Variants in CKAP5 observed in about 807,000 individuals in gnomAD.
CKAP5 encodes cytoskeleton-associated protein 5.
A neutral mutation model predicts 232.8 loss-of-function variants in CKAP5; 27 were observed. The observed-to-expected ratio is 0.12, with a 90% CI of 0.09 to 0.16. CKAP5 has a LOEUF of 0.16. CKAP5 is among the 10% of genes least tolerant of loss of function. CKAP5 has a pLI of 1.00. For missense variants in CKAP5, 1,838 were observed against 2,424.7 expected (o/e 0.76, Z 5.08); for synonymous variants, 785 against 841.1 (o/e 0.93, Z 1.16).
In CKAP5 at chr11:46,809,385, TTAAC is replaced by T. The variant is rs1284265773; in HGVS notation, c.864+11_864+14del. On this transcript the variant is annotated intron_variant, in intron 7 of 43. Coordinates refer to ENST00000529230, the MANE Select transcript of CKAP5 (RefSeq NM_001008938.4). ...TTTACAAGAAATAAATGAAAGAAGT[TTAAC>T]TATTACTTACAATTTTGTCATAAAA... 1.4e-6 allele frequency: 2 copies of T among 1,460,806 alleles called. No individual in the cohort carries two copies. Among genetic ancestry groups the T allele is most frequent in the East Asian group, 2.3e-5 (1 of 44,116 alleles). The allele number at this position is 1,460,806 out of a possible 1,614,324, so 90.5% of individuals were successfully genotyped here.
Position 46,750,551 on chromosome 11 carries a change from C to T in CKAP5, c.5521G>A (p.Gly1841Ser). 6.2e-7 allele frequency: 1 copy of T among 1,613,886 alleles called. No homozygotes were observed. Among genetic ancestry groups the T allele is most frequent in the Non-Finnish European group, 8.5e-7 (1 of 1,179,966 alleles). Residue 1841 changes from glycine (G) to serine (S), a missense_variant, in exon 41 of 44, where the codon GGC (glycine) becomes AGC (serine). Coordinates refer to ENST00000529230, the MANE Select transcript of CKAP5 (RefSeq NM_001008938.4). ...ACCTCTTTAGTGTTTTCTTTAGAGC[C>T]AATCTTCTTAAAAATCTCAGCTAAG... Reference protein sequence around the residue: ...DFLAEIFKKIGSKENTKEGLA... With the variant: ...DFLAEIFKKISSKENTKEGLA...
At chr11:46,763,933 T>C (rs2065178645) in intron 28 of CKAP5, among the ~76,000 whole-genome samples, 1 of 152,146 alleles carries the variant, frequency 6.6e-6, no homozygotes, top group South Asian at 2.1e-4. Context: ...CCTCCCAGGC[T>C]CAAGTGATTC....
intron 26 of CKAP5, among the ~76,000 whole-genome samples, chr11:46,769,253 A>C (rs762843132): frequency 6.6e-6 from 1 of 152,214 alleles, no homozygotes; most frequent in Non-Finnish European, 1.5e-5. Flanking sequence ...TAAAGAAATC[A>C]AGAATTATCC....
chr11:46,771,016 CAAATGAA>C, intron 24 of CKAP5, 34 bp from the exon 25 acceptor site: 5 of 1,556,648 alleles, frequency 3.2e-6, no homozygotes, highest in Non-Finnish European at 4.4e-6. Flanking sequence ...TTACACACTT[CAAATGAA>C]GACTGTTATC....
At chr11:46,824,584 C>G (rs1353887923) in intron 1 of CKAP5, among the ~76,000 whole-genome samples, 1 of 152,186 alleles carries the variant, frequency 6.6e-6, no homozygotes, top group Non-Finnish European at 1.5e-5. Flanking sequence ...CCACCCCCAC[C>G]AACTGAATAC....
In CKAP5 at chr11:46,752,692, G is replaced by A. The variant is rs139448951; in HGVS notation, c.5076C>T (p.Leu1692=). Residue 1692 remains leucine (L), a synonymous_variant, in exon 38 of 44, where the codon CTC becomes CTT. Coordinates refer to ENST00000529230, the MANE Select transcript of CKAP5 (RefSeq NM_001008938.4). The part of the protein sequence containing the change: ...TNILSALLVL[L]QDSLLATASS... ...TGGCTGTTGCTAGCAGGCTGTCTTG[G>A]AGCAAAACAAGTAGGGCACTGGAAG... is the stretch of plus-strand genomic sequence containing the variant. The A allele has an allele frequency of 2.5e-6, 4 of 1,612,434 alleles. No homozygotes were observed. The highest frequency in any genetic ancestry group is 3.4e-6 in the Non-Finnish European group (4 of 1,179,030).
At chr11:46,793,098 T>C (rs1353071237) in intron 13 of CKAP5, among the ~76,000 whole-genome samples, 1 of 152,114 alleles carries the variant, frequency 6.6e-6, no homozygotes, top group Non-Finnish European at 1.5e-5. Flanking sequence ...GCTTACAATA[T>C]GGTGTGGGGA....
At chr11:46,796,682 A>T (rs1263344953) in intron 12 of CKAP5, 130 bp downstream of exon 12, 1 of 984,988 alleles carries the variant, frequency 1.0e-6, no homozygotes, top group African/African-American at 1.7e-5. Flanking sequence ...CCTACTATAA[A>T]TGGCAATTTA....
intron 3 of CKAP5, among the ~76,000 whole-genome samples, chr11:46,818,089 C>T (rs1423215027): frequency 6.6e-6 from 1 of 152,000 alleles, no homozygotes; most frequent in Non-Finnish European, 1.5e-5. Flanking sequence ...TAAGGTAAAC[C>T]CTCAAAATAT....
intron 13 of CKAP5, among the ~76,000 whole-genome samples, chr11:46,792,603 A>C (rs574534298): frequency 6.6e-6 from 1 of 152,166 alleles, no homozygotes; most frequent in Non-Finnish European, 1.5e-5. Flanking sequence ...CAAACAAAAA[A>C]GACAGAATTA....
At chr11:46,761,076 C>A (rs2065151247) in intron 32 of CKAP5, among the ~76,000 whole-genome samples, 1 of 151,844 alleles carries the variant, frequency 6.6e-6, no homozygotes, top group South Asian at 2.1e-4. Context: ...TGGTGAAACC[C>A]CATCTATACA....
chr11:46,763,652 A>G, intron 28 of CKAP5, 22 bp from the exon 29 acceptor site: 1 of 1,517,224 alleles, frequency 6.6e-7, no homozygotes, highest in Non-Finnish European at 8.8e-7. Flanking sequence ...AAACGGTGAA[A>G]AGGGGCTACA....
intron 38 of CKAP5, among the ~76,000 whole-genome samples, chr11:46,751,894 A>C (rs2065067069): frequency 6.6e-6 from 1 of 151,996 alleles, no homozygotes; most frequent in Non-Finnish European, 1.5e-5. Context: ...AAAATATCTG[A>C]TACTAATTCA....
intron 16 of CKAP5, among the ~76,000 whole-genome samples, chr11:46,788,403 C>T (rs1463721551): frequency 6.6e-6 from 1 of 152,150 alleles, no homozygotes; most frequent in African/African-American, 2.4e-5. Context: ...AGAGAAACCG[C>T]GTCTCTACTA....
Position 46,776,351 on chromosome 11 carries a change from C to T in CKAP5, c.2895G>A (p.Val965=). 1 of 1,613,402 alleles carries T rather than the reference C, an allele frequency of 6.2e-7. No homozygotes were observed. The highest frequency in any genetic ancestry group is 8.5e-7 in the Non-Finnish European group (1 of 1,179,538). The change falls in exon 24 of 44, where the codon GTG becomes GTA. Residue 965 remains valine (V), a synonymous_variant. Coordinates refer to ENST00000529230, the MANE Select transcript of CKAP5 (RefSeq NM_001008938.4). ...TGCCAGTCTGTTCTGCCCAAGCATT[C>T]ACAGTCGCTAGGGCAGCAGCTCGAA... ...NNVRAAALAT[V]NAWAEQTGMK... is the part of the protein sequence containing the mutation.
intron 31 of CKAP5, 51 bp downstream of exon 31, chr11:46,762,576 A>G: frequency 1.2e-6 from 2 of 1,602,536 alleles, no homozygotes; most frequent in Non-Finnish European, 1.7e-6. Context: ...TATTTCTTCT[A>G]TAGGCTACTG....
chr11:46,766,798 A>AT (rs1317044020), intron 27 of CKAP5, among the ~76,000 whole-genome samples: 1 of 152,204 alleles, frequency 6.6e-6, no homozygotes, highest in Non-Finnish European at 1.5e-5. Flanking sequence ...AAAGTTGAAC[A>AT]TTTGAACACA....
Position 46,798,089 on chromosome 11 carries a change from G to A in CKAP5, c.1167C>T (p.Phe389=). Residue 389 remains phenylalanine (F), a synonymous_variant, in exon 10 of 44, where the codon TTC becomes TTT. Coordinates refer to ENST00000529230, the MANE Select transcript of CKAP5 (RefSeq NM_001008938.4). ...ACTCATGCTGTCAACTTACAGTAAG[G>A]AAGATTGCATCAATTGCCTCCTGCA... The part of the protein sequence containing the change: ...QALQEAIDAI[F]LTTTLQNISE... 2 of 1,613,566 alleles carry A rather than the reference G, an allele frequency of 1.2e-6. No homozygotes were observed. The highest frequency in any genetic ancestry group is 1.7e-6 in the Non-Finnish European group (2 of 1,179,658).
At chr11:46,755,172 T>C (rs2065101218) in intron 35 of CKAP5, 105 bp from the exon 36 acceptor site, 3 of 712,632 alleles carry the variant, frequency 4.2e-6, no homozygotes, top group Non-Finnish European at 6.4e-6. Context: ...AGCAAAGTAC[T>C]TCTAAAGTCT....
Sources: gnomAD v4.1 joint callset for allele counts (sites outside exome capture counted in the v4.1 genomes callset) on GRCh38, gnomAD v4.1.1 for gene constraint, MANE v1.5 for transcripts, NCBI Gene and HGNC (gene_info 2026-07-23, HGNC 2026-07-21) for gene names.